Variants in MIB2 observed in about 807,000 individuals in gnomAD.
MIB2 encodes E3 ubiquitin-protein ligase MIB2.
A neutral mutation model predicts 96.6 loss-of-function variants in MIB2; 78 were observed. The ratio of observed to expected loss-of-function variants is 0.81; its 90% CI spans 0.67 to 0.97. MIB2 has a LOEUF of 0.97. MIB2 is among the 50% of genes least tolerant of loss of function. The pLI is 0.00. For synonymous variants in MIB2, 820 were observed against 629.5 expected (o/e 1.30, Z -4.53); for missense variants, 1,543 against 1,424.0 (o/e 1.08, Z -1.35).
Position 1,627,402 on chromosome 1 carries a change from C to T in MIB2, c.1481C>T (p.Pro494Leu), listed in dbSNP as rs202247285. The T allele has an allele frequency of 5.0e-4, 807 of 1,612,832 alleles. 3 individuals carry two copies. The highest frequency in any genetic ancestry group is 6.6e-4 in the Middle Eastern group (4 of 6,082). ...CAAGCCAGGGCGGGCGTGGACCTGCCGGACGACGAGGGCAACACGGCACTG... is the reference window on the plus strand; with the variant it reads ...CAAGCCAGGGCGGGCGTGGACCTGCTGGACGACGAGGGCAACACGGCACTG... ...LLQARAGVDL[P>L]DDEGNTALHY... Residue 494 changes from proline (P) to leucine (L), a missense_variant, in exon 12 of 20, where the codon CCG (proline) becomes CTG (leucine). Pro to Leu is a moderately conservative substitution (Grantham distance 98). Coordinates refer to ENST00000355826, the MANE Select transcript of MIB2 (RefSeq NM_001170687.4).
In MIB2 at chr1:1,625,934, G is replaced by C. The variant is rs1644718101; in HGVS notation, c.972+281G>C. On this transcript the variant is annotated intron_variant, in intron 8 of 19. Transcript: ENST00000355826. This position sits in a 1 kb window ranked among gnomAD's most constrained non-coding sequence, Gnocchi z 5.0. ...GACACCAGGAAGGCAGGACAGCTTC[G>C]TGGGCGGGAGGGAGGCGGCTGGGCT... The C allele has an allele frequency of 1.3e-5, 7 of 520,456 alleles. No homozygotes were observed. The highest frequency in any genetic ancestry group is 2.5e-5 in the South Asian group (1 of 40,652). 32.2% of individuals were successfully genotyped at this position (520,456 alleles called of 1,614,324 possible).
rs370373980 is a variant in MIB2 at position 1,624,971 on chromosome 1, G to C, written c.527-20G>C. The C allele has an allele frequency of 1.9e-6, 3 of 1,607,352 alleles. No homozygotes were observed. The highest frequency in any genetic ancestry group is 2.7e-5 in the African/African-American group (2 of 74,854). ...GCTCATGGCTCAGCCTTAGCCTGCT[G>C]GGGGGGCCTCTTTCCCCAGGAGGGG... is the stretch of plus-strand genomic sequence containing the variant. On this transcript the variant is annotated intron_variant, in intron 5 of 19. Transcript: ENST00000355826.
At chr1:1,619,512 C>T (rs895970038) in intron 2 of MIB2, among the ~76,000 whole-genome samples, 22 of 152,214 alleles carry the variant, frequency 1.4e-4, no homozygotes, top group African/African-American at 3.6e-4. Context: ...CTGGAGACCC[C>T]GCTCAGATGA....
chr1:1,620,365 T>G (rs1644142852), intron 2 of MIB2, among the ~76,000 whole-genome samples: 2 of 151,522 alleles, frequency 1.3e-5, no homozygotes, highest in Non-Finnish European at 2.9e-5. Flanking sequence ...GGTCGGCAGA[T>G]GCGTGTCCCC....
chr1:1,616,186 C>G, intron 1 of MIB2: 1 of 850,488 alleles, frequency 1.2e-6, no homozygotes, highest in Non-Finnish European at 1.4e-6. Context: ...GGGGGCGGGG[C>G]GCGCTCCGGG....
chr1:1,629,451 G>C lies in MIB2; in HGVS notation c.2448G>C (p.Val816=). Residue 816 remains valine (V), a synonymous_variant, in exon 18 of 20, where the codon GTG becomes GTC. Transcript: ENST00000355826. The part of the protein sequence containing the change: ...PRQTLGTPNT[V]TNLHVGAAPG... ...AAACGCTCGGGACCCCCAACACCGT[G>C]ACGAACCTGCACGTGGGCGCCGCGC... 1 of 1,530,074 alleles carries C rather than the reference G, an allele frequency of 6.5e-7. No homozygotes were observed. Among genetic ancestry groups the C allele is most frequent in the South Asian group, 1.2e-5 (1 of 83,512 alleles). 94.8% of individuals were successfully genotyped at this position (1,530,074 alleles called of 1,614,324 possible).
chr1:1,621,935 G>T (rs754830553), intron 2 of MIB2, among the ~76,000 whole-genome samples: 41 of 152,374 alleles, frequency 2.7e-4, no homozygotes, highest in Non-Finnish European at 3.8e-4. Context: ...AGTCAGAGCA[G>T]GAGTCGGGGG....
In MIB2 at chr1:1,625,722, T is replaced by A; in HGVS notation, c.972+69T>A. 1 of 1,336,390 alleles carries A rather than the reference T, an allele frequency of 7.5e-7. No individual in the cohort carries two copies. The highest frequency in any genetic ancestry group is 1.0e-6 in the Non-Finnish European group (1 of 960,348). 82.8% of individuals were successfully genotyped at this position (1,336,390 alleles called of 1,614,324 possible). On this transcript the variant is annotated intron_variant, in intron 8 of 19. Coordinates refer to ENST00000355826, the MANE Select transcript of MIB2 (RefSeq NM_001170687.4). The surrounding 1 kb of genome is among the most constrained non-coding windows in gnomAD (Gnocchi z 5.0). ...ACCCCTTCCACGTACCCCCTTGGCC[T>A]TGGGGGGTCAGGCAGGACTAGGGTG...
chr1:1,629,610 C>A (rs541409807), intron 18 of MIB2, 29 bp from the exon 19 acceptor site: 19 of 1,569,180 alleles, frequency 1.2e-5, no homozygotes, highest in African/African-American at 1.4e-5. Flanking sequence ...CTAGTAGGGC[C>A]GCAGCCAACC....
At chr1:1,623,226 C>A (rs571393313) in intron 2 of MIB2, 2 of 839,586 alleles carry the variant, frequency 2.4e-6, no homozygotes, top group South Asian at 3.9e-5. Context: ...GCTGGCACGG[C>A]GCCCGCCTTT....
chr1:1,616,828 A>G (rs1643761944), intron 2 of MIB2: 9 of 504,380 alleles, frequency 1.8e-5, no homozygotes, highest in Non-Finnish European at 3.5e-6. Context: ...CACCTGCAGG[A>G]TTGGGGCAGA....
intron 2 of MIB2, chr1:1,616,831 G>A: frequency 2.0e-6 from 1 of 493,270 alleles, no homozygotes; most frequent in Non-Finnish European, 3.6e-6. Flanking sequence ...CTGCAGGATT[G>A]GGGCAGAGCG....
intron 1 of MIB2, 85 bp downstream of exon 1, chr1:1,615,718 C>T (rs1298731280): frequency 1.3e-6 from 2 of 1,495,994 alleles, no homozygotes; most frequent in Non-Finnish European, 1.8e-6. Context: ...GAGCGCCGTC[C>T]GGTTCCCGCT....
rs368509322 is a variant in MIB2, at chr1:1,630,509, C to T, written c.2847C>T (p.Asp949=). 4.4e-6 allele frequency: 7 copies of T among 1,590,778 alleles called. No homozygotes were observed. In the African/African-American group the frequency reaches 5.4e-5, roughly 12 times the overall value. ...CCATCTGCCGCCAGCCCATCCGCGACCGCATCCAGATCTTCGTGTGAGCCG... is the reference window on the plus strand; with the variant it reads ...CCATCTGCCGCCAGCCCATCCGCGATCGCATCCAGATCTTCGTGTGAGCCG... ...ACPICRQPIR[D]RIQIFV The change falls in exon 20 of 20, where the codon GAC becomes GAT. Residue 949 remains aspartate, a synonymous_variant. Coordinates refer to ENST00000355826, the MANE Select transcript of MIB2 (RefSeq NM_001170687.4).
chr1:1,620,263 C>T (rs779690770), intron 2 of MIB2, among the ~76,000 whole-genome samples: 1 of 152,186 alleles, frequency 6.6e-6, no homozygotes, highest in Non-Finnish European at 1.5e-5. Flanking sequence ...CAGAAGGCGC[C>T]CCCTGCTGCA....
upstream of MIB2, chr1:1,614,164 G>T (rs1224552222): frequency 6.6e-6 from 1 of 152,224 alleles, no homozygotes; most frequent in Admixed American, 6.5e-5. Context: ...CATCACGACA[G>T]CTGTGAAAGT....
chr1:1,628,241 C>A (rs758532729), intron 14 of MIB2, 32 bp from the exon 15 acceptor site: 3 of 1,612,718 alleles, frequency 1.9e-6, no homozygotes, highest in Non-Finnish European at 2.5e-6. Context: ...GGGGGCAGTC[C>A]CAGGTCCCAG....
Position 1,628,473 on chromosome 1 carries a change from C to T in MIB2, c.1969-16C>T. 6.3e-7 allele frequency: 1 copy of T among 1,594,770 alleles called. No homozygotes were observed. Among genetic ancestry groups the T allele is most frequent in the Non-Finnish European group, 8.5e-7 (1 of 1,174,242 alleles). Reference sequence around the variant, plus strand: ...ACTGGGGTCCCTGGGCTGAGCCCGTCCCCACCCCTCCCCAGGGCCGCTGTG... The same window carrying T: ...ACTGGGGTCCCTGGGCTGAGCCCGTTCCCACCCCTCCCCAGGGCCGCTGTG... On this transcript the variant is annotated splice_polypyrimidine_tract_variant and intron_variant, in intron 15 of 19. Transcript: ENST00000355826.
In MIB2 at chr1:1,626,923, C is replaced by T; in HGVS notation, c.1164C>T (p.Ser388=). The T allele has an allele frequency of 6.2e-7, 1 of 1,609,832 alleles. No individual in the cohort carries two copies. ...VAVAGQRWTF[S]PSCLVAYRPE... ...TCGCTGGTCAGCGGTGGACCTTCAG[C>T]CCCTCCTGCCTGGTGGCCTACCGGC... Residue 388 remains serine, a synonymous_variant, in exon 10 of 20, where the codon AGC becomes AGT. Transcript: ENST00000355826. The surrounding 1 kb of genome is among the most constrained non-coding windows in gnomAD (Gnocchi z 5.3).
Sources: gnomAD v4.1 joint callset for allele counts (sites outside exome capture counted in the v4.1 genomes callset) on GRCh38, gnomAD v4.1.1 for gene constraint, Gnocchi (gnomAD v3.1) non-coding constraint, MANE v1.5 for transcripts, NCBI Gene and HGNC (gene_info 2026-07-23, HGNC 2026-07-21) for gene names.